Variants in SH3D19 observed in about 807,000 individuals in gnomAD.
SH3D19 encodes the protein SH3 domain-containing protein 19.
In SH3D19, 58 loss-of-function variants were observed where a neutral mutation model predicts 112.1. The ratio of observed to expected loss-of-function variants is 0.52; its 90% CI spans 0.42 to 0.64. The LOEUF is 0.64. SH3D19 is among the 30% of genes least tolerant of loss of function. The pLI, the probability that SH3D19 is intolerant of heterozygous loss-of-function variation, is 0.00. For synonymous variants in SH3D19, 391 were observed against 448.5 expected, an observed-to-expected ratio of 0.87 and a Z score of 1.62; for missense variants, 1,090 against 1,263.4, an observed-to-expected ratio of 0.86 and a Z score of 2.08.
intron 2 of SH3D19, among the ~76,000 whole-genome samples, chr4:151,195,699 T>C (rs1284036471): frequency 1.3e-5 from 2 of 151,924 alleles, no homozygotes; most frequent in East Asian, 1.9e-4. Context: ...GCCATATACA[T>C]GTTGGACATG....
At chr4:151,144,244 T>C (rs770408697) in intron 11 of SH3D19, 194 bp from the exon 12 acceptor site, 13 of 1,614,040 alleles carry the variant, frequency 8.1e-6, no homozygotes, top group South Asian at 1.1e-5. Context: ...CTCCGGGGTT[T>C]TGAGAGACAA....
intron 2 of SH3D19, among the ~76,000 whole-genome samples, chr4:151,214,383 G>A (rs1357926647): frequency 1.5e-5 from 2 of 130,152 alleles, no homozygotes; most frequent in African/African-American, 5.3e-5. Flanking sequence ...GGGCTGTTGG[G>A]CACACCTCCC....
At chr4:151,167,684 G>T (rs1040431149) in intron 7 of SH3D19, among the ~76,000 whole-genome samples, 7 of 152,104 alleles carry the variant, frequency 4.6e-5, no homozygotes, top group Non-Finnish European at 1.0e-4. Flanking sequence ...GTCTCTGCCC[G>T]ACCGCCGCCC....
intron 1 of SH3D19, chr4:151,282,379 G>A (rs1449890118): frequency 6.2e-7 from 1 of 1,613,840 alleles, no homozygotes; most frequent in South Asian, 1.1e-5. Flanking sequence ...CCTTTTGTTG[G>A]GTGACCGGAT....
intron 7 of SH3D19, among the ~76,000 whole-genome samples, chr4:151,166,629 T>G (rs956327993): frequency 2.0e-5 from 3 of 152,044 alleles, no homozygotes; most frequent in African/African-American, 7.2e-5. Context: ...AGAGGCGAAA[T>G]GAGTATATGC....
chr4:151,142,939 A>T (rs1181216771), intron 12 of SH3D19, among the ~76,000 whole-genome samples: 1 of 152,222 alleles, frequency 6.6e-6, no homozygotes, highest in Non-Finnish European at 1.5e-5. Context: ...TTGCACTGTT[A>T]TAAAAGACTA....
At chr4:151,143,531 A>T (rs940521461) in intron 12 of SH3D19, among the ~76,000 whole-genome samples, 14 of 152,306 alleles carry the variant, frequency 9.2e-5, no homozygotes, top group Middle Eastern at 6.8e-3. Context: ...CCTTCTAAGA[A>T]GAAAAAATGG....
intron 2 of SH3D19, among the ~76,000 whole-genome samples, chr4:151,191,606 C>T (rs545927346): frequency 6.6e-6 from 1 of 152,194 alleles, no homozygotes; most frequent in Admixed American, 6.5e-5. Context: ...CATGATATAC[C>T]CACTGGGGCA....
chr4:151,247,882 G>GTT (rs1771056127), intron 1 of SH3D19, among the ~76,000 whole-genome samples: 1 of 152,146 alleles, frequency 6.6e-6, no homozygotes, highest in African/African-American at 2.4e-5. Flanking sequence ...GCTCATTAAA[G>GTT]CTACCTGGTA....
Position 151,166,461 on chromosome 4 carries a change from T to C in SH3D19, c.1535-765A>G, listed in dbSNP as rs536152436. 4 of 152,146 alleles carry C rather than the reference T, an allele frequency of 2.6e-5. No individual in the cohort carries two copies. The South Asian group carries it at 8.3e-4, about 32-fold the overall frequency. The allele number at this position is 152,146 out of a possible 1,614,324, so 9.4% of individuals were successfully genotyped here. On this transcript the variant is annotated intron_variant, in intron 7 of 19. Transcript: ENST00000604030. ...TTACTGAAACAGTTTTTAATATAAG[T>C]GTCCTTTTTAGTGGTTTGGAAAAAT...
chr4:151,228,611 G>A (rs1485637010), intron 1 of SH3D19, among the ~76,000 whole-genome samples: 2 of 151,932 alleles, frequency 1.3e-5, no homozygotes, highest in Non-Finnish European at 2.9e-5. Flanking sequence ...TAAATTTTTT[G>A]GCAAAATAAT....
At chr4:151,250,692 AGAG>A (rs1341388119) in intron 1 of SH3D19, among the ~76,000 whole-genome samples, 1 of 152,218 alleles carries the variant, frequency 6.6e-6, no homozygotes, top group Admixed American at 6.5e-5. Context: ...CACCAGAAGA[AGAG>A]GAGTCAAACC....
chr4:151,232,928 C>T (rs1282809865), intron 1 of SH3D19, among the ~76,000 whole-genome samples: 1 of 152,138 alleles, frequency 6.6e-6, no homozygotes, highest in Non-Finnish European at 1.5e-5. Flanking sequence ...GCGGGGGTCC[C>T]CAACCCCTCT....
intron 1 of SH3D19, among the ~76,000 whole-genome samples, chr4:151,273,462 C>T (rs1160584127): frequency 6.6e-6 from 1 of 151,574 alleles, no homozygotes; most frequent in Non-Finnish European, 1.5e-5. Flanking sequence ...TGGTGGTGGG[C>T]GCCTGTAGTC....
At chr4:151,148,985 C>T (rs1429857501) in intron 10 of SH3D19, among the ~76,000 whole-genome samples, 1 of 152,116 alleles carries the variant, frequency 6.6e-6, no homozygotes, top group African/African-American at 2.4e-5. Flanking sequence ...TTGCAGTGAG[C>T]TGAGATCGCG....
chr4:151,226,927 G>A (rs1278096473), intron 1 of SH3D19, among the ~76,000 whole-genome samples: 2 of 152,022 alleles, frequency 1.3e-5, no homozygotes. Flanking sequence ...TGTCTTTTTT[G>A]AACCTGAGTA....
At chr4:151,269,821 C>A (rs1201180396) in intron 1 of SH3D19, among the ~76,000 whole-genome samples, 1 of 146,800 alleles carries the variant, frequency 6.8e-6, no homozygotes, top group East Asian at 2.0e-4. Context: ...TTATTTTTAC[C>A]TTTTAAGCTT....
At chr4:151,228,089 C>T (rs1334604629) in intron 1 of SH3D19, 2 of 958,880 alleles carry the variant, frequency 2.1e-6, no homozygotes, top group Non-Finnish European at 2.5e-6. Context: ...TTTATACTTT[C>T]TGCTCTAAGA....
chr4:151,191,005 C>G (rs1762530996), intron 2 of SH3D19, among the ~76,000 whole-genome samples: 1 of 152,212 alleles, frequency 6.6e-6, no homozygotes, highest in African/African-American at 2.4e-5. Context: ...ACCATGGGAA[C>G]CCACCTCTTG....
Sources: allele counts gnomAD v4.1 joint callset (sites outside exome capture counted in the v4.1 genomes callset), GRCh38; gene constraint gnomAD v4.1.1; transcripts MANE v1.5; gene names NCBI Gene and HGNC (gene_info 2026-07-23, HGNC 2026-07-21).